Variants in ADGRB3 observed in about 807,000 individuals in gnomAD.
ADGRB3 encodes the protein adhesion G protein-coupled receptor B3, also known as brain-specific angiogenesis inhibitor 3.
In ADGRB3, 37 loss-of-function variants were observed where a neutral mutation model predicts 193.4. That is an observed-to-expected ratio of 0.19 (90% CI 0.15 to 0.25). The LOEUF is 0.25. ADGRB3 is among the 10% of genes least tolerant of loss of function. ADGRB3 has a pLI of 1.00. For synonymous variants in ADGRB3, 690 were observed against 644.2 expected (o/e 1.07, Z -1.08); for missense variants, 1,637 against 1,852.9 (o/e 0.88, Z 2.14).
chr6:69,367,240 T>TGA (rs1769592151), intron 29 of ADGRB3, among the ~76,000 whole-genome samples: 1 of 152,048 alleles, frequency 6.6e-6, no homozygotes. Flanking sequence ...CTCCTTAAGA[T>TGA]GAAGTTAAAA....
chr6:69,049,426 C>A, intron 15 of ADGRB3, 80 bp downstream of exon 15: 5 of 1,059,288 alleles, frequency 4.7e-6, no homozygotes, highest in Non-Finnish European at 6.9e-6. Context: ...TAAAAATAGT[C>A]AAACAAGCTG....
intron 20 of ADGRB3, among the ~76,000 whole-genome samples, chr6:69,271,846 T>C (rs991447007): frequency 4.6e-5 from 7 of 152,176 alleles, no homozygotes; most frequent in African/African-American, 1.7e-4. Context: ...TTTTTTGCTT[T>C]CTTAAATATA....
At chr6:68,701,800 G>A (rs1386442455) in intron 3 of ADGRB3, among the ~76,000 whole-genome samples, 1 of 152,086 alleles carries the variant, frequency 6.6e-6, no homozygotes, top group African/African-American at 2.4e-5. Flanking sequence ...AAGAAACTCA[G>A]AAATTTCCCA....
At chr6:68,796,220 T>C (rs1432318251) in intron 3 of ADGRB3, among the ~76,000 whole-genome samples, 2 of 152,284 alleles carry the variant, frequency 1.3e-5, no homozygotes, top group African/African-American at 4.8e-5. Context: ...GATCGAGCTC[T>C]ATATTGATCC....
At chr6:69,040,673 G>GAAAAAAAA (rs1771029692) in intron 13 of ADGRB3, among the ~76,000 whole-genome samples, 1 of 20,640 alleles carries the variant, frequency 4.8e-5, no homozygotes, top group Non-Finnish European at 8.4e-5. Flanking sequence ...ATGACTGATG[G>GAAAAAAAA]ACAAAAAAAA....
At chr6:68,942,103 T>C (rs942153279) in intron 5 of ADGRB3, among the ~76,000 whole-genome samples, 5 of 152,070 alleles carry the variant, frequency 3.3e-5, no homozygotes, top group African/African-American at 1.2e-4. Flanking sequence ...ATATTTCTAT[T>C]GGCTGTTTTT....
rs561081032 is a variant in ADGRB3 at position 69,056,072 on chromosome 6, C to T, written c.2333+6726C>T. On this transcript the variant is annotated intron_variant, in intron 15 of 31. Transcript: ENST00000370598. The stretch of plus-strand genomic sequence containing the variant: ...TCTCAAACTCCTGGCCTCATGAGAT[C>T]GCCACCCTCGGCCTCTCAAAGTGCT... Among the ~76,000 whole-genome samples, 15 of 152,194 alleles carry T rather than the reference C, an allele frequency of 9.9e-5. No individual in the cohort carries two copies. The South Asian group carries it at 1.0e-3, about 11-fold the overall frequency.
intron 3 of ADGRB3, among the ~76,000 whole-genome samples, chr6:68,860,968 A>T (rs1383319107): frequency 6.6e-6 from 1 of 152,186 alleles, no homozygotes; most frequent in Non-Finnish European, 1.5e-5. Flanking sequence ...TGGAATATGA[A>T]GCCATATTGA....
chr6:68,786,649 T>A (rs1766977803), intron 3 of ADGRB3, among the ~76,000 whole-genome samples: 1 of 152,030 alleles, frequency 6.6e-6, no homozygotes, highest in Admixed American at 6.6e-5. Flanking sequence ...TCTTTTTTGG[T>A]TCCATATGAA....
At chr6:69,259,695 C>CAAAAAAA (rs397887907) in intron 20 of ADGRB3, among the ~76,000 whole-genome samples, 8 of 76,152 alleles carry the variant, frequency 1.1e-4, no homozygotes, top group African/African-American at 3.9e-4. Context: ...GACTCTGTCT[C>CAAAAAAA]AAAAAAAAAA....
At chr6:69,007,624 T>G (rs1167439503) in intron 11 of ADGRB3, among the ~76,000 whole-genome samples, 1 of 151,622 alleles carries the variant, frequency 6.6e-6, no homozygotes, top group African/African-American at 2.4e-5. Context: ...AAATGTGACC[T>G]TCTTAGAAAG....
At chr6:69,109,456 T>A (rs930749897) in intron 17 of ADGRB3, among the ~76,000 whole-genome samples, 3 of 152,162 alleles carry the variant, frequency 2.0e-5, no homozygotes, top group African/African-American at 7.2e-5. Flanking sequence ...TAAAAGTAAA[T>A]AGTAAAAATA....
Position 69,214,716 on chromosome 6 carries a change from T to C in ADGRB3, c.2481-18574T>C, listed in dbSNP as rs369059304. ...AAAAGAAATCCCCCACAATTGCCCA[T>C]GTCTCAGTTTCTGTCAGGTTGGTGC... is the stretch of plus-strand genomic sequence containing the variant. On this transcript the variant is annotated intron_variant, in intron 17 of 31. Transcript: ENST00000370598. Among the ~76,000 whole-genome samples the C allele has an allele frequency of 1.2e-3, 185 of 151,920 alleles. 2 individuals are homozygous for C. In the South Asian group the frequency reaches 0.031, roughly 25 times the overall value.
intron 3 of ADGRB3, among the ~76,000 whole-genome samples, chr6:68,711,902 A>G (rs1380401578): frequency 6.6e-6 from 1 of 152,044 alleles, no homozygotes; most frequent in African/African-American, 2.4e-5. Flanking sequence ...GTCAGTGACA[A>G]TATCTTACCT....
At chr6:68,880,462 T>TA (rs1765703081) in intron 3 of ADGRB3, among the ~76,000 whole-genome samples, 2 of 152,218 alleles carry the variant, frequency 1.3e-5, no homozygotes, top group Non-Finnish European at 2.9e-5. Context: ...GCAATAAGTT[T>TA]AAAAAATTAC....
At chr6:68,804,843 G>A (rs1184371204) in intron 3 of ADGRB3, among the ~76,000 whole-genome samples, 1 of 151,928 alleles carries the variant, frequency 6.6e-6, no homozygotes, top group Non-Finnish European at 1.5e-5. Context: ...TTCAATTAAT[G>A]CTTGTTAGAG....
intron 17 of ADGRB3, among the ~76,000 whole-genome samples, chr6:69,093,807 A>G (rs997430806): frequency 2.0e-5 from 3 of 152,126 alleles, no homozygotes; most frequent in Non-Finnish European, 4.4e-5. Context: ...TAGAGGAGTG[A>G]GCTGCCCCAA....
At chr6:69,218,892 A>G (rs1765829599) in intron 17 of ADGRB3, among the ~76,000 whole-genome samples, 1 of 152,142 alleles carries the variant, frequency 6.6e-6, no homozygotes, top group African/African-American at 2.4e-5. Flanking sequence ...TGTACCTGCC[A>G]TAAATTTCTG....
At chr6:69,233,468 G>C in intron 18 of ADGRB3, 52 bp downstream of exon 18, 1 of 1,607,502 alleles carries the variant, frequency 6.2e-7, no homozygotes, top group Non-Finnish European at 8.5e-7. Context: ...GGATATTGTG[G>C]CTAGTGTTTC....
Sources: allele counts gnomAD v4.1 joint callset (sites outside exome capture counted in the v4.1 genomes callset), GRCh38; gene constraint gnomAD v4.1.1; transcripts MANE v1.5; gene names NCBI Gene and HGNC (gene_info 2026-07-23, HGNC 2026-07-21).